The following DAB1 variants were observed in gnomAD, a reference collection of about 807,000 sequenced individuals.
The protein encoded by DAB1 is disabled homolog 1.
A neutral mutation model predicts 64.6 loss-of-function variants in DAB1; 15 were observed. The ratio of observed to expected loss-of-function variants is 0.23; its 90% CI spans 0.16 to 0.36. DAB1 has a LOEUF of 0.36. DAB1 is among the 10% of genes least tolerant of loss of function. The pLI is 1.00. For missense variants in DAB1, 596 were observed against 706.7 expected (o/e 0.84, Z 1.78); for synonymous variants, 235 against 251.9 (o/e 0.93, Z 0.64).
chr1:57,700,900 G>T (rs1646899399), intron 6 of DAB1, among the ~76,000 whole-genome samples: 1 of 151,876 alleles, frequency 6.6e-6, no homozygotes, highest in Non-Finnish European at 1.5e-5. Context: ...CTCTGACTAT[G>T]TATTTTCAAA....
chr1:57,420,187 G>A (rs1419607267), intron 1 of DAB1, among the ~76,000 whole-genome samples: 1 of 152,118 alleles, frequency 6.6e-6, no homozygotes, highest in Non-Finnish European at 1.5e-5. Flanking sequence ...TATGTAGCTT[G>A]CTCCTATAGA....
intron 7 of DAB1, among the ~76,000 whole-genome samples, chr1:57,502,640 T>C (rs1362402450): frequency 6.6e-6 from 1 of 152,222 alleles, no homozygotes; most frequent in East Asian, 1.9e-4. Context: ...AAATAAATAT[T>C]TGTTAAATGA....
intron 4 of DAB1, among the ~76,000 whole-genome samples, chr1:58,252,015 T>C (rs1570542609): frequency 6.6e-6 from 1 of 152,318 alleles, no homozygotes; most frequent in African/African-American, 2.4e-5. Context: ...TATGAGTTTC[T>C]CCTACCACTC....
chr1:57,027,073 C>T (rs547866793), intron 9 of DAB1, among the ~76,000 whole-genome samples: 4 of 152,276 alleles, frequency 2.6e-5, no homozygotes, highest in African/African-American at 9.6e-5. Flanking sequence ...TGCCCTGCCA[C>T]ACAGGACTCC....
intron 1 of DAB1, among the ~76,000 whole-genome samples, chr1:57,311,771 A>G (rs987526633): frequency 6.6e-6 from 1 of 152,156 alleles, no homozygotes; most frequent in African/African-American, 2.4e-5. Flanking sequence ...ACTCAAACCA[A>G]TATAACTTGA....
chr1:58,450,488 C>T (rs1645120636), intron 3 of DAB1, among the ~76,000 whole-genome samples: 1 of 152,196 alleles, frequency 6.6e-6, no homozygotes, highest in African/African-American at 2.4e-5. Flanking sequence ...GAACAGTTGG[C>T]TCACGTCTGT....
chr1:58,190,115 G>A (rs1433667450), intron 4 of DAB1, among the ~76,000 whole-genome samples: 2 of 152,128 alleles, frequency 1.3e-5, no homozygotes, highest in African/African-American at 4.8e-5. Flanking sequence ...ATTTTTACAA[G>A]ATTTCCTGAT....
intron 1 of DAB1, among the ~76,000 whole-genome samples, chr1:57,299,909 T>G (rs910621867): frequency 1.3e-5 from 2 of 152,212 alleles, no homozygotes; most frequent in African/African-American, 4.8e-5. Flanking sequence ...GAGACCAAAA[T>G]GCACAGAGCT....
At chr1:57,108,026 C>T (rs534763819) in intron 4 of DAB1, among the ~76,000 whole-genome samples, 1 of 152,278 alleles carries the variant, frequency 6.6e-6, no homozygotes, top group Admixed American at 6.5e-5. Flanking sequence ...CTCATTTCTT[C>T]CCTGAGGCCC....
chr1:57,264,837 G>C (rs1448333762), intron 2 of DAB1, among the ~76,000 whole-genome samples: 1 of 152,134 alleles, frequency 6.6e-6, no homozygotes, highest in Non-Finnish European at 1.5e-5. Flanking sequence ...CACTGTATCT[G>C]TTCATGGTGC....
chr1:57,815,637 G>C (rs926069692), intron 6 of DAB1, among the ~76,000 whole-genome samples: 1 of 150,300 alleles, frequency 6.7e-6, no homozygotes, highest in Non-Finnish European at 1.5e-5. Flanking sequence ...AATCATAAAT[G>C]TATTTTGTTT....
At chr1:57,902,924 A>G (rs1202845) in intron 5 of DAB1, among the ~76,000 whole-genome samples, 26,904 of 152,142 alleles carry the variant, frequency 0.18, 2,772 homozygotes, top group Admixed American at 0.28. Flanking sequence ...TGGGTCATTT[A>G]TAAAGGAAAG....
intron 7 of DAB1, among the ~76,000 whole-genome samples, chr1:57,477,623 A>G (rs1439570055): frequency 1.3e-5 from 2 of 152,170 alleles, no homozygotes; most frequent in Non-Finnish European, 2.9e-5. Context: ...CAGGGCTCTT[A>G]TCATAAAGAC....
intron 7 of DAB1, among the ~76,000 whole-genome samples, chr1:57,499,189 T>C (rs978800791): frequency 2.0e-5 from 3 of 152,172 alleles, no homozygotes; most frequent in Non-Finnish European, 4.4e-5. Context: ...TTGGCCAGGA[T>C]GGTCTCGATC....
chr1:58,328,222 C>T (rs944225521), intron 4 of DAB1, among the ~76,000 whole-genome samples: 9 of 152,340 alleles, frequency 5.9e-5, no homozygotes, highest in African/African-American at 1.7e-4. Flanking sequence ...TTCATCCCAA[C>T]GTGATCTGCT....
chr1:57,685,940 T>G (rs1443952790), intron 6 of DAB1, among the ~76,000 whole-genome samples: 1 of 152,124 alleles, frequency 6.6e-6, no homozygotes, highest in African/African-American at 2.4e-5. Flanking sequence ...TAACACTACA[T>G]GCCTTCATCA....
chr1:57,196,210 T>G (rs1207186701), intron 2 of DAB1, among the ~76,000 whole-genome samples: 3 of 152,220 alleles, frequency 2.0e-5, no homozygotes, highest in Admixed American at 2.0e-4. Context: ...TCATTGCTTA[T>G]CAATTTTACC....
At chr1:58,202,167 T>A (rs997974669) in intron 4 of DAB1, among the ~76,000 whole-genome samples, 2 of 152,092 alleles carry the variant, frequency 1.3e-5, no homozygotes, top group East Asian at 1.9e-4. Context: ...AAAAAGACAA[T>A]CTGGAAATTA....
At chr1:58,180,470 T>G (rs2100782860) in intron 4 of DAB1, among the ~76,000 whole-genome samples, 1 of 151,714 alleles carries the variant, frequency 6.6e-6, no homozygotes, top group East Asian at 2.0e-4. Context: ...TTTTTTAAAA[T>G]TTTTCATAGA....
Sources: gnomAD v4.1 joint callset for allele counts (sites outside exome capture counted in the v4.1 genomes callset) on GRCh38, gnomAD v4.1.1 for gene constraint, MANE v1.5 for transcripts, NCBI Gene and HGNC (gene_info 2026-07-23, HGNC 2026-07-21) for gene names.